The following CRLF3 variants were observed in gnomAD, a reference collection of about 807,000 sequenced individuals.
CRLF3 encodes the protein cytokine receptor-like factor 3.
Under a neutral mutation model 55.0 loss-of-function variants are expected in CRLF3, and 33 were observed. That is an observed-to-expected ratio of 0.60 (90% CI 0.46 to 0.80). CRLF3 has a LOEUF of 0.80. CRLF3 is among the 30% of genes least tolerant of loss of function. The pLI, the probability that CRLF3 is intolerant of heterozygous loss-of-function variation, is 0.00. For missense variants in CRLF3, 494 were observed against 538.4 expected (o/e 0.92, Z 0.82); for synonymous variants, 238 against 196.8 (o/e 1.21, Z -1.75).
At chr17:30,824,292 G>A (rs1431121544) in intron 1 of CRLF3, among the ~76,000 whole-genome samples, 1 of 151,464 alleles carries the variant, frequency 6.6e-6, no homozygotes, top group Non-Finnish European at 1.5e-5. Context: ...CTGCCCCACA[G>A]TTTAGTGAAC....
intron 2 of CRLF3, among the ~76,000 whole-genome samples, chr17:30,798,007 G>A (rs1287032319): frequency 6.7e-6 from 1 of 148,312 alleles, no homozygotes; most frequent in East Asian, 2.0e-4. Context: ...CATAAGGCTT[G>A]AAAAGCCAAA....
chr17:30,799,340 G>A (rs1184746894), intron 2 of CRLF3, among the ~76,000 whole-genome samples: 2 of 152,096 alleles, frequency 1.3e-5, no homozygotes, highest in Non-Finnish European at 2.9e-5. Context: ...ATCAAATGCT[G>A]TAACACTCAC....
At chr17:30,788,437 C>G (rs957743478) in intron 6 of CRLF3, among the ~76,000 whole-genome samples, 1 of 151,510 alleles carries the variant, frequency 6.6e-6, no homozygotes, top group African/African-American at 2.4e-5. Context: ...TGAGGGAGAC[C>G]TGGAAGGAGG....
At chr17:30,816,281 CAAA>C (rs547414738) in intron 1 of CRLF3, among the ~76,000 whole-genome samples, 5 of 64,332 alleles carry the variant, frequency 7.8e-5, no homozygotes, top group Admixed American at 1.8e-4. Context: ...GACTCCATCT[CAAA>C]AAAAAAAAAA....
intron 7 of CRLF3, chr17:30,785,053 C>T (rs919507842): frequency 6.6e-6 from 1 of 150,542 alleles, no homozygotes; most frequent in Non-Finnish European, 1.5e-5. Flanking sequence ...CAGCCAACAC[C>T]ACAAAATATT....
chr17:30,784,196 T>C lies in CRLF3; in HGVS notation c.1320A>G (p.Leu440=). ...CCAAGCACCCAAACATCTAAAACACTAACACTTTCCATCCAGGATAGAAAA... is the reference window on the plus strand; with the variant it reads ...CCAAGCACCCAAACATCTAAAACACCAACACTTTCCATCCAGGATAGAAAA... ...CSFFYPGWKV[L]VF is the part of the protein sequence containing the mutation. The change falls in exon 8 of 8, where the codon TTA becomes TTG. Residue 440 remains leucine, a synonymous_variant. Coordinates refer to ENST00000324238, the MANE Select transcript of CRLF3 (RefSeq NM_015986.4). The C allele has an allele frequency of 6.2e-7, 1 of 1,613,476 alleles. No homozygotes were observed. The highest frequency in any genetic ancestry group is 1.1e-5 in the South Asian group (1 of 91,040).
Position 30,796,248 on chromosome 17 carries a change from A to G in CRLF3, c.515T>C (p.Phe172Ser). 6.2e-7 allele frequency: 1 copy of G among 1,614,074 alleles called. No homozygotes were observed. Among genetic ancestry groups the G allele is most frequent in the Non-Finnish European group, 8.5e-7 (1 of 1,179,950 alleles). ...SILNIVKDHI[F>S]KHGTVASRPP... ...GCGAGATGCTACTGTTCCATGCTTA[A>G]AAATGTGGTCTTTCACTATGTTAAG... is the stretch of plus-strand genomic sequence containing the variant. Residue 172 changes from phenylalanine to serine, a missense_variant, in exon 4 of 8, where the codon TTT (phenylalanine) becomes TCT (serine). Phe to Ser is a radical substitution (Grantham distance 155). Transcript: ENST00000324238.
intron 7 of CRLF3, 118 bp downstream of exon 7, chr17:30,785,801 A>T (rs538331878): frequency 3.3e-6 from 2 of 597,446 alleles, no homozygotes; most frequent in Admixed American, 6.4e-5. Flanking sequence ...AAAAAAGAAA[A>T]AGAAAAATAC....
At chr17:30,800,715 T>C (rs903973105) in intron 2 of CRLF3, among the ~76,000 whole-genome samples, 3 of 151,580 alleles carry the variant, frequency 2.0e-5, no homozygotes, top group South Asian at 2.1e-4. Context: ...GCTCAAGCTC[T>C]CCCACCTCAG....
intron 6 of CRLF3, among the ~76,000 whole-genome samples, chr17:30,788,361 G>C (rs7217594): frequency 6.8e-6 from 1 of 147,492 alleles, no homozygotes; most frequent in Non-Finnish European, 1.5e-5. Flanking sequence ...AAAGAAAGAA[G>C]GAAACCTTAA....
intron 2 of CRLF3, 180 bp downstream of exon 2, chr17:30,803,721 G>A: frequency 1.6e-6 from 1 of 618,672 alleles, no homozygotes; most frequent in Non-Finnish European, 2.9e-6. Context: ...CTCTTCTCTT[G>A]TCTGCCGCCA....
rs2142233902 is a variant in CRLF3, at chr17:30,782,761, A to C, written c.*1426T>G. 1 of 152,290 alleles carries C rather than the reference A, an allele frequency of 6.6e-6. No homozygotes were observed. The highest frequency in any genetic ancestry group is 3.4e-3 in the Middle Eastern group (1 of 294). The allele number at this position is 152,290 out of a possible 1,614,324, so 9.4% of individuals were successfully genotyped here. On this transcript the variant is annotated 3_prime_UTR_variant, in exon 8 of 8. Coordinates refer to ENST00000324238, the MANE Select transcript of CRLF3 (RefSeq NM_015986.4). ...ATTCTAGAACATCTTCTTAATCCCTAAACAAGTGGAAATCTACTACTTATA... is the reference window on the plus strand; with the variant it reads ...ATTCTAGAACATCTTCTTAATCCCTCAACAAGTGGAAATCTACTACTTATA...
intron 2 of CRLF3, among the ~76,000 whole-genome samples, chr17:30,797,908 G>A (rs1427618385): frequency 6.8e-6 from 1 of 148,098 alleles, no homozygotes; most frequent in African/African-American, 2.5e-5. Context: ...CCAAGTAGCT[G>A]TGACCACACG....
At chr17:30,820,168 A>T (rs1474141546) in intron 1 of CRLF3, among the ~76,000 whole-genome samples, 1 of 152,234 alleles carries the variant, frequency 6.6e-6, no homozygotes, top group Non-Finnish European at 1.5e-5. Flanking sequence ...AAACATTAAG[A>T]GTTAACAGAC....
chr17:30,803,066 G>A (rs2142261775), intron 2 of CRLF3, among the ~76,000 whole-genome samples: 1 of 151,906 alleles, frequency 6.6e-6, no homozygotes, highest in East Asian at 1.9e-4. Context: ...TTGGGAGGCT[G>A]AGGTGGGAGG....
At chr17:30,794,512 A>G (rs966252869) in intron 4 of CRLF3, among the ~76,000 whole-genome samples, 1 of 152,172 alleles carries the variant, frequency 6.6e-6, no homozygotes, top group Non-Finnish European at 1.5e-5. Context: ...TAAAACCACA[A>G]CAAGGCCAGA....
At chr17:30,793,376 T>C in intron 5 of CRLF3, 74 bp downstream of exon 5, 1 of 1,132,700 alleles carries the variant, frequency 8.8e-7, no homozygotes. Context: ...GTTGTCAGTG[T>C]GCTGCCCTTA....
At chr17:30,798,374 TC>T (rs758830034) in intron 2 of CRLF3, among the ~76,000 whole-genome samples, 8 of 144,690 alleles carry the variant, frequency 5.5e-5, no homozygotes, top group East Asian at 2.0e-4. Flanking sequence ...CGAGACTCCG[TC>T]CCCCCCGCCA....
In CRLF3 at chr17:30,785,811, C is replaced by G. The variant is rs1039233084; in HGVS notation, c.1072+108G>C. The G allele has an allele frequency of 8.7e-6, 5 of 574,754 alleles. No individual in the cohort carries two copies. In the East Asian group the frequency reaches 1.6e-4, roughly 18 times the overall value. The allele number at this position is 574,754 out of a possible 1,614,324, so 35.6% of individuals were successfully genotyped here. On this transcript the variant is annotated intron_variant, in intron 7 of 7. Transcript: ENST00000324238. ...AAAAAAAAAAAGAAAAAGAAAAATA[C>G]CTAAATTTTCTCATCTCCTACTATA...
Sources: gnomAD v4.1 joint callset for allele counts (sites outside exome capture counted in the v4.1 genomes callset) on GRCh38, gnomAD v4.1.1 for gene constraint, MANE v1.5 for transcripts, NCBI Gene and HGNC (gene_info 2026-07-23, HGNC 2026-07-21) for gene names.